The following CTNNA2 variants were observed in gnomAD, a reference collection of about 807,000 sequenced individuals.
CTNNA2 encodes the protein catenin alpha 2.
CTNNA2 carries 42 observed loss-of-function variants against 101.0 expected under a neutral mutation model. The ratio of observed to expected loss-of-function variants is 0.42; its 90% CI spans 0.32 to 0.54. The LOEUF (loss-of-function observed/expected upper bound fraction) is 0.54. Ranked by LOEUF, CTNNA2 falls within the 20% of genes least tolerant of loss-of-function variation. The pLI, the probability that CTNNA2 is intolerant of heterozygous loss-of-function variation, is 0.14. For missense variants in CTNNA2, 871 were observed against 1,223.1 expected, an observed-to-expected ratio of 0.71 and a Z score of 4.29; for synonymous variants, 450 against 456.4, an observed-to-expected ratio of 0.99 and a Z score of 0.18.
chr2:79,534,232 T>C (rs1402022120), intron 1 of CTNNA2, among the ~76,000 whole-genome samples: 1 of 152,166 alleles, frequency 6.6e-6, no homozygotes, highest in African/African-American at 2.4e-5. Context: ...TATTATTTTA[T>C]GGCTACATTT....
intron 11 of CTNNA2, among the ~76,000 whole-genome samples, chr2:80,550,019 T>C (rs145746448): frequency 1.7e-3 from 259 of 152,328 alleles, no homozygotes; most frequent in Middle Eastern, 6.8e-3. Context: ...GACCAAAAAG[T>C]TCATGTTCAT....
intron 2 of CTNNA2, among the ~76,000 whole-genome samples, chr2:79,257,061 G>T (rs189491976): frequency 5.6e-4 from 85 of 152,332 alleles, no homozygotes; most frequent in African/African-American, 1.9e-3. Context: ...AAGCGGAGAT[G>T]ACACAAGACT....
chr2:79,229,669 G>A (rs1439385022), intron 2 of CTNNA2, among the ~76,000 whole-genome samples: 1 of 152,172 alleles, frequency 6.6e-6, no homozygotes, highest in Non-Finnish European at 1.5e-5. Flanking sequence ...TTTGGAACTG[G>A]GTAACAGGCA....
Position 79,651,662 on chromosome 2 carries a change from A to G in CTNNA2, c.102+4A>G. The G allele has an allele frequency of 6.2e-7, 1 of 1,612,966 alleles. No individual in the cohort carries two copies. Among genetic ancestry groups the G allele is most frequent in the Non-Finnish European group, 8.5e-7 (1 of 1,179,142 alleles). ...GTTGGAGCCACTTGTTACACAGGTA[A>G]GGGATGCTTTGAAACCACTTTGTTA... On this transcript the variant is annotated splice_donor_region_variant and intron_variant, in intron 2 of 18. Coordinates refer to ENST00000402739, the MANE Select transcript of CTNNA2 (RefSeq NM_001282597.3).
intron 1 of CTNNA2, among the ~76,000 whole-genome samples, chr2:79,529,331 C>T (rs1052203074): frequency 1.5e-4 from 23 of 152,278 alleles, no homozygotes; most frequent in African/African-American, 5.5e-4. Context: ...TATCACATGT[C>T]TTCTTGTGCG....
intron 7 of CTNNA2, among the ~76,000 whole-genome samples, chr2:79,985,661 C>T (rs1192011674): frequency 6.6e-6 from 1 of 152,186 alleles, no homozygotes; most frequent in African/African-American, 2.4e-5. Flanking sequence ...GCAAACTAAT[C>T]TACTGTATAT....
At chr2:80,162,328 A>G (rs912146754) in intron 7 of CTNNA2, 25 of 976,090 alleles carry the variant, frequency 2.6e-5, no homozygotes, top group Non-Finnish European at 3.6e-5. Context: ...AAAAAAATGT[A>G]TAAAGAAATG....
At chr2:80,029,339 C>T (rs1695140078) in intron 7 of CTNNA2, 2 of 152,196 alleles carry the variant, frequency 1.3e-5, no homozygotes. Context: ...CACTTGCTAG[C>T]ACCTTGCAGG....
At chr2:80,202,947 C>A (rs1375956004) in intron 7 of CTNNA2, among the ~76,000 whole-genome samples, 2 of 152,100 alleles carry the variant, frequency 1.3e-5, no homozygotes, top group Non-Finnish European at 2.9e-5. Flanking sequence ...ACAATCATGG[C>A]AGAAGGAAAG....
At chr2:80,571,778 A>G (rs1426335756) in intron 12 of CTNNA2, among the ~76,000 whole-genome samples, 1 of 152,138 alleles carries the variant, frequency 6.6e-6, no homozygotes, top group Non-Finnish European at 1.5e-5. Context: ...TGCAGTTAGC[A>G]TATCAAAGTG....
chr2:79,956,345 G>A (rs1446334440), intron 7 of CTNNA2, among the ~76,000 whole-genome samples: 2 of 152,078 alleles, frequency 1.3e-5, no homozygotes, highest in Admixed American at 6.5e-5. Context: ...TGAATTTTGC[G>A]ATTATAAACA....
intron 3 of CTNNA2, among the ~76,000 whole-genome samples, chr2:79,846,789 TCA>T (rs144720153): frequency 0.096 from 14,564 of 152,314 alleles, 931 homozygotes; most frequent in Non-Finnish European, 0.14. Context: ...ACCAATGAGC[TCA>T]CAGTTAATGT....
intron 4 of CTNNA2, among the ~76,000 whole-genome samples, chr2:79,487,979 G>T (rs1425537017): frequency 6.6e-6 from 1 of 152,096 alleles, no homozygotes; most frequent in East Asian, 1.9e-4. Context: ...TAATGATTTG[G>T]GGATCAGTAA....
intron 2 of CTNNA2, among the ~76,000 whole-genome samples, chr2:79,244,566 A>G (rs966146367): frequency 1.3e-5 from 2 of 152,208 alleles, no homozygotes; most frequent in Non-Finnish European, 2.9e-5. Context: ...AAGTCCTAGC[A>G]TAGTAAACAT....
At chr2:79,282,926 C>A (rs1358712272) in intron 2 of CTNNA2, among the ~76,000 whole-genome samples, 10 of 93,670 alleles carry the variant, frequency 1.1e-4, no homozygotes, top group Admixed American at 2.4e-4. Context: ...CCTGTTGTTT[C>A]CTGACTTTTT....
chr2:80,364,348 G>T lies in CTNNA2; in HGVS notation c.1057-28863G>T, dbSNP rs1269597576. Among the ~76,000 whole-genome samples the T allele has an allele frequency of 2.0e-5, 3 of 152,026 alleles. No individual in the cohort carries two copies. In the South Asian group the frequency reaches 6.2e-4, roughly 32 times the overall value. ...AGAAAGGGTCAATTTTAAAATTAAA[G>T]CCTCTGTAACAAGATGTTCTTTTCT... On this transcript the variant is annotated intron_variant, in intron 7 of 18. Transcript: ENST00000402739.
At chr2:79,616,965 A>G (rs1238770094) in intron 1 of CTNNA2, among the ~76,000 whole-genome samples, 1 of 150,870 alleles carries the variant, frequency 6.6e-6, no homozygotes, top group East Asian at 2.0e-4. Context: ...AGAATGGTGC[A>G]ATCTCGGCTC....
intron 7 of CTNNA2, among the ~76,000 whole-genome samples, chr2:80,041,050 C>T (rs1696019013): frequency 6.6e-6 from 1 of 151,886 alleles, no homozygotes; most frequent in African/African-American, 2.4e-5. Context: ...AGCTAAAGAT[C>T]TCCACAATAT....
intron 3 of CTNNA2, among the ~76,000 whole-genome samples, chr2:79,776,470 G>T (rs1334532061): frequency 6.6e-6 from 1 of 152,128 alleles, no homozygotes; most frequent in Non-Finnish European, 1.5e-5. Context: ...TTGCATATGA[G>T]TCGGGAAGAA....
Sources: gnomAD v4.1 joint callset for allele counts (sites outside exome capture counted in the v4.1 genomes callset) on GRCh38, gnomAD v4.1.1 for gene constraint, MANE v1.5 for transcripts, NCBI Gene and HGNC (gene_info 2026-07-23, HGNC 2026-07-21) for gene names.